The following FAM53A variants were observed in gnomAD, a reference collection of about 807,000 sequenced individuals.
The protein encoded by FAM53A is family with sequence similarity 53 member A, also known as protein FAM53A.
In FAM53A, 28 loss-of-function variants were observed where a neutral mutation model predicts 26.6. The ratio of observed to expected loss-of-function variants is 1.05; its 90% CI spans 0.78 to 1.45. FAM53A has a LOEUF of 1.45. Among genes scored for constraint, FAM53A ranks in the 40% most tolerant of loss-of-function variants. FAM53A has a pLI of 0.00. For missense variants in FAM53A, 650 were observed against 575.8 expected (o/e 1.13, Z -1.32); for synonymous variants, 290 against 253.1 (o/e 1.15, Z -1.38).
At chr4:1,624,048 C>T (rs1003802887) in intron 1 of FAM53A, among the ~76,000 whole-genome samples, 1 of 152,234 alleles carries the variant, frequency 6.6e-6, no homozygotes, top group African/African-American at 2.4e-5. Context: ...TCTGGGCAGG[C>T]TGTGGGTGGC....
At chr4:1,590,434 G>A in the FAM53A span, among the ~76,000 whole-genome samples, 128,004 of 152,018 alleles carry the variant, frequency 0.84, 54,049 homozygotes, top group African/African-American at 0.9. Flanking sequence ...TCAAACCACA[G>A]AAGGCCCTGC....
chr4:1,645,241 A>AT (rs1231658625), intron 4 of FAM53A, among the ~76,000 whole-genome samples: 3 of 152,244 alleles, frequency 2.0e-5, no homozygotes, highest in African/African-American at 7.2e-5. Flanking sequence ...GGGCGCAGGG[A>AT]TGTCCATGGC....
chr4:1,590,955 CATATATATATATATAT>C, the FAM53A span, among the ~76,000 whole-genome samples: 730 of 46,302 alleles, frequency 0.016, 28 homozygotes, highest in African/African-American at 0.04. Context: ...TTATTTAATG[CATATATATATATATAT>C]ATATATATAT....
intron 1 of FAM53A, 175 bp downstream of exon 1, chr4:1,684,058 C>CGGCGGAGGCAGGGG (rs1286775433): frequency 6.6e-6 from 1 of 152,128 alleles, no homozygotes; most frequent in African/African-American, 2.4e-5. Context: ...GCGGCGCAGA[C>CGGCGGAGGCAGGGG]GGCGGAGGCA....
chr4:1,656,579 C>T (rs1374403194), intron 3 of FAM53A, among the ~76,000 whole-genome samples: 1 of 152,076 alleles, frequency 6.6e-6, no homozygotes. Context: ...CGCTGCGGGG[C>T]TCTGAGCCAG....
chr4:1,583,676 T>C, the FAM53A span, among the ~76,000 whole-genome samples: 1 of 152,246 alleles, frequency 6.6e-6, no homozygotes, highest in Non-Finnish European at 1.5e-5. Context: ...GTGCTCCGCC[T>C]GATACCTGTC....
chr4:1,641,370 C>T lies in FAM53A; in HGVS notation c.1120G>A (p.Gly374Arg), dbSNP rs1188247736. Residue 374 changes from glycine (G) to arginine (R), a missense_variant, in exon 5 of 5, where the codon GGG becomes AGG. Physicochemically the swap from Gly to Arg is moderately radical, Grantham distance 125. Transcript: ENST00000308132. ...SRRSSGDPRD[G>R]DSVGEEGVFP... The stretch of plus-strand genomic sequence containing the variant: ...ACGCCCTCCTCCCCGACACTGTCCC[C>T]ATCACGGGGGTCCCCGCTGCTCCTG... 2 of 1,611,142 alleles carry T rather than the reference C, an allele frequency of 1.2e-6. No homozygotes were observed. The highest frequency in any genetic ancestry group is 1.7e-6 in the Non-Finnish European group (2 of 1,179,196).
chr4:1,657,260 GA>G, intron 3 of FAM53A, 147 bp downstream of exon 3: 1 of 700,702 alleles, frequency 1.4e-6, no homozygotes, highest in Non-Finnish European at 2.4e-6. Context: ...CGGCAGCAGG[GA>G]CCACCCCACG....
chr4:1,684,923 C>G (rs1337627046), upstream of FAM53A, among the ~76,000 whole-genome samples: 1 of 152,176 alleles, frequency 6.6e-6, no homozygotes, highest in African/African-American at 2.4e-5. Context: ...CACAGCAGGC[C>G]CAGGGAGACC....
the FAM53A span, among the ~76,000 whole-genome samples, chr4:1,591,002 A>ATATATATATATATAT: frequency 2.6e-5 from 3 of 116,204 alleles, no homozygotes; most frequent in Non-Finnish European, 5.2e-5. Context: ...ATATATATAT[A>ATATATATATATATAT]ATCATTCTAT....
intron 3 of FAM53A, 122 bp from the exon 4 acceptor site, chr4:1,655,845 G>A: frequency 8.3e-7 from 1 of 1,209,746 alleles, no homozygotes. Context: ...CGCCACCCCT[G>A]GGCGTGCTTC....
At chr4:1,579,191 T>G in the FAM53A span, among the ~76,000 whole-genome samples, 2 of 10,374 alleles carry the variant, frequency 1.9e-4, no homozygotes, top group South Asian at 2.4e-3. Context: ...CTGCCCTCCC[T>G]GCCCTGGCGC....
chr4:1,598,606 C>T, the FAM53A span, among the ~76,000 whole-genome samples: 1 of 152,206 alleles, frequency 6.6e-6, no homozygotes. Flanking sequence ...CTGGAACGCA[C>T]CCCCTCCCGG....
chr4:1,629,366 G>C (rs1057319724), intron 1 of FAM53A, among the ~76,000 whole-genome samples: 2 of 152,210 alleles, frequency 1.3e-5, no homozygotes, highest in Non-Finnish European at 2.9e-5. Context: ...CAGACCACCC[G>C]GCAGCTGGGC....
At chr4:1,577,469 A>G in the FAM53A span, among the ~76,000 whole-genome samples, 1 of 152,168 alleles carries the variant, frequency 6.6e-6, no homozygotes, top group Non-Finnish European at 1.5e-5. Flanking sequence ...CACCTCGTGG[A>G]CTGCTGGCCA....
In FAM53A at chr4:1,654,967, G is replaced by A; in HGVS notation, c.882+11C>T. On this transcript the variant is annotated intron_variant, in intron 4 of 4. Coordinates refer to ENST00000308132, the MANE Select transcript of FAM53A (RefSeq NM_001174070.3). ...CGCCCCTCTGAGCCCCTGGAAATAA[G>A]AAAGCCTCACCTGGGTCATTTTCAG... 1 of 1,503,512 alleles carries A rather than the reference G, an allele frequency of 6.7e-7. No homozygotes were observed. The highest frequency in any genetic ancestry group is 1.3e-5 in the South Asian group (1 of 74,174). The allele number at this position is 1,503,512 out of a possible 1,614,324, so 93.1% of individuals were successfully genotyped here. A position where few individuals can be genotyped will look rare whatever the true frequency, so the allele number is the denominator to read the frequency against.
rs1295906579 is a variant in FAM53A, at chr4:1,655,827, C to A, written c.137-104G>T. The A allele has an allele frequency of 9.9e-6, 13 of 1,311,198 alleles. 1 individual carries two copies. The South Asian group carries it at 2.1e-4, about 21-fold the overall frequency. The allele number at this position is 1,311,198 out of a possible 1,614,324, so 81.2% of individuals were successfully genotyped here. On this transcript the variant is annotated intron_variant, in intron 3 of 4. Coordinates refer to ENST00000308132, the MANE Select transcript of FAM53A (RefSeq NM_001174070.3). Reference sequence around the variant, plus strand: ...CTGGCAGAGCTGTCAAGGGCACAACCCCATCGCCGCCACCCCTGGGCGTGC... The same window carrying A: ...CTGGCAGAGCTGTCAAGGGCACAACACCATCGCCGCCACCCCTGGGCGTGC...
chr4:1,652,664 T>G (rs1712961787), intron 4 of FAM53A, among the ~76,000 whole-genome samples: 1 of 116,950 alleles, frequency 8.6e-6, no homozygotes, highest in Non-Finnish European at 1.7e-5. Context: ...ACACCACATA[T>G]ACACCACACC....
the FAM53A span, among the ~76,000 whole-genome samples, chr4:1,604,020 C>T: frequency 6.6e-6 from 1 of 152,350 alleles, no homozygotes; most frequent in Admixed American, 6.5e-5. Flanking sequence ...CCAGAAAAGC[C>T]CTGCCCGGCT....
Sources: gnomAD v4.1 joint callset for allele counts (sites outside exome capture counted in the v4.1 genomes callset) on GRCh38, gnomAD v4.1.1 for gene constraint, MANE v1.5 for transcripts, NCBI Gene and HGNC (gene_info 2026-07-23, HGNC 2026-07-21) for gene names.